EFCAB8: variants seen among roughly 807,000 people sequenced by gnomAD.
The protein encoded by EFCAB8 is EF-hand calcium-binding domain-containing protein 8.
A neutral mutation model predicts 116.3 loss-of-function variants in EFCAB8; 100 were observed. The ratio of observed to expected loss-of-function variants is 0.86; its 90% CI spans 0.73 to 1.02. The LOEUF (loss-of-function observed/expected upper bound fraction) is 1.02, where lower values mean the gene tolerates loss of function less well. Ranked by LOEUF, EFCAB8 falls within the 50% of genes least tolerant of loss-of-function variation. The pLI, the probability that EFCAB8 is intolerant of heterozygous loss-of-function variation, is 0.00. For synonymous variants in EFCAB8, 558 were observed against 567.9 expected (o/e 0.98, Z 0.25); for missense variants, 1,320 against 1,416.9 (o/e 0.93, Z 1.10).
intron 3 of EFCAB8, among the ~76,000 whole-genome samples, chr20:32,872,167 G>T (rs538969183): frequency 2.6e-5 from 4 of 152,180 alleles, no homozygotes; most frequent in African/African-American, 9.7e-5. Flanking sequence ...GTTGTATAAG[G>T]AGAATAGAAT....
In EFCAB8 at chr20:32,906,990, A is replaced by G; in HGVS notation, c.1304A>G (p.Asp435Gly). The change falls in exon 13 of 27, where the codon GAC (aspartate) becomes GGC (glycine). Residue 435 changes from aspartate (D) to glycine (G), a missense_variant. Coordinates refer to ENST00000400522, the MANE Select transcript of EFCAB8 (RefSeq NM_001143967.2). ...AGCATCCTCATCAGTGTCTCCAAGG[A>G]CAAGGTCCGCCCCGACGGTCCGCCT... Reference protein sequence around the residue: ...NNSILISVSKDKNIRVWDMLD... With the variant: ...NNSILISVSKGKNIRVWDMLD... 2 of 1,514,588 alleles carry G rather than the reference A, an allele frequency of 1.3e-6. No homozygotes were observed. The highest frequency in any genetic ancestry group is 1.7e-4 in the Middle Eastern group (1 of 5,786). 93.8% of individuals were successfully genotyped at this position (1,514,588 alleles called of 1,614,324 possible).
intron 10 of EFCAB8, among the ~76,000 whole-genome samples, chr20:32,897,628 G>T (rs944784556): frequency 6.6e-6 from 1 of 151,730 alleles, no homozygotes; most frequent in African/African-American, 2.4e-5. Flanking sequence ...TTTGAGACGG[G>T]GCCTCACTAT....
intron 23 of EFCAB8, among the ~76,000 whole-genome samples, chr20:32,945,757 A>G (rs1029616950): frequency 3.9e-5 from 6 of 152,166 alleles, no homozygotes; most frequent in African/African-American, 9.7e-5. Flanking sequence ...TTCTGCACCA[A>G]TCAGCTTGGC....
At chr20:32,873,300 C>T (rs1984779817) in intron 3 of EFCAB8, among the ~76,000 whole-genome samples, 1 of 151,728 alleles carries the variant, frequency 6.6e-6, no homozygotes, top group African/African-American at 2.4e-5. Context: ...AGGATGGTCT[C>T]CATCTCTTGA....
At chr20:32,904,538 A>G (rs1292225148) in intron 11 of EFCAB8, among the ~76,000 whole-genome samples, 6 of 148,988 alleles carry the variant, frequency 4.0e-5, no homozygotes, top group African/African-American at 1.5e-4. Context: ...GCCTCAAGGG[A>G]TCCTCCTGCC....
intron 4 of EFCAB8, among the ~76,000 whole-genome samples, chr20:32,876,579 GATA>G (rs1696805159): frequency 6.6e-6 from 1 of 152,242 alleles, no homozygotes. Flanking sequence ...AGATGACAAT[GATA>G]ACTAGCATTT....
Position 32,885,481 on chromosome 20 carries a change from TCTCTC to T in EFCAB8, c.432-23_432-19del, listed in dbSNP as rs1426169590. 4 of 1,551,242 alleles carry T rather than the reference TCTCTC, an allele frequency of 2.6e-6. No homozygotes were observed. The highest frequency in any genetic ancestry group is 3.5e-6 in the Non-Finnish European group (4 of 1,146,774). On this transcript the variant is annotated intron_variant, in intron 5 of 26. Transcript: ENST00000400522. ...CCTGAGCTGTTTTTGCTTGGGCTCT[TCTCTC>T]TTTCATCGCCTCCCACAGGAACCAT...
chr20:32,901,147 C>T (rs556083287), intron 11 of EFCAB8, among the ~76,000 whole-genome samples: 3 of 152,276 alleles, frequency 2.0e-5, no homozygotes, highest in South Asian at 2.1e-4. Flanking sequence ...TGAATGGGGC[C>T]GTGTGGCAGA....
chr20:32,898,323 G>C (rs1223533426), intron 10 of EFCAB8, 170 bp from the exon 11 acceptor site: 1 of 562,174 alleles, frequency 1.8e-6, no homozygotes, highest in Non-Finnish European at 3.2e-6. Context: ...CTGGTCATAG[G>C]ACCTGGGCTA....
chr20:32,877,213 T>TC (rs1568903029), intron 4 of EFCAB8, among the ~76,000 whole-genome samples: 2 of 141,954 alleles, frequency 1.4e-5, no homozygotes, highest in African/African-American at 5.0e-5. Context: ...CTTTCTTTTT[T>TC]TTTTTTTTTT....
chr20:32,911,089 T>C (rs1379262288), intron 15 of EFCAB8, among the ~76,000 whole-genome samples: 3 of 152,334 alleles, frequency 2.0e-5, no homozygotes, highest in South Asian at 4.1e-4. Flanking sequence ...AAATGTTTCA[T>C]TGAGTGGCAT....
At chr20:32,952,874 G>T (rs1449109944) in intron 23 of EFCAB8, among the ~76,000 whole-genome samples, 2 of 152,156 alleles carry the variant, frequency 1.3e-5, no homozygotes, top group African/African-American at 2.4e-5. Context: ...TAAGTCTACA[G>T]TTCAGTAGTG....
At chr20:32,885,462 C>G in intron 5 of EFCAB8, 43 bp from the exon 6 acceptor site, 3 of 1,548,888 alleles carry the variant, frequency 1.9e-6, no homozygotes, top group Non-Finnish European at 2.6e-6. Flanking sequence ...CCTCCCTGAG[C>G]TGTTTTTGCT....
At chr20:32,892,049 C>G (rs1055410824) in intron 7 of EFCAB8, among the ~76,000 whole-genome samples, 164 bp from the exon 8 acceptor site, 1 of 151,900 alleles carries the variant, frequency 6.6e-6, no homozygotes. Context: ...GTGGGGTTCC[C>G]GGTGGGTGGG....
At chr20:32,921,881 CGTGCA>C (rs1452709517) in intron 20 of EFCAB8, among the ~76,000 whole-genome samples, 5 of 143,684 alleles carry the variant, frequency 3.5e-5, no homozygotes, top group African/African-American at 1.3e-4. Flanking sequence ...CCCAGGCTGG[CGTGCA>C]GTGTTGCGAT....
chr20:32,940,164 A>G (rs1365962001), intron 22 of EFCAB8, among the ~76,000 whole-genome samples: 1 of 148,466 alleles, frequency 6.7e-6, no homozygotes, highest in Non-Finnish European at 1.5e-5. Context: ...ACAATTCCCA[A>G]GTTCAAAACT....
At chr20:32,885,956 A>G (rs919301181) in intron 6 of EFCAB8, among the ~76,000 whole-genome samples, 2 of 152,088 alleles carry the variant, frequency 1.3e-5, no homozygotes, top group East Asian at 3.9e-4. Flanking sequence ...ATCTCAGTGA[A>G]TGGCATTGTC....
intron 17 of EFCAB8, among the ~76,000 whole-genome samples, chr20:32,914,705 C>A (rs1047649240): frequency 6.6e-6 from 1 of 152,082 alleles, no homozygotes; most frequent in Non-Finnish European, 1.5e-5. Flanking sequence ...CTCACTATCA[C>A]GAGAACAGCA....
chr20:32,893,372 C>T, intron 9 of EFCAB8, 74 bp downstream of exon 9: 1 of 1,528,632 alleles, frequency 6.5e-7, no homozygotes, highest in Non-Finnish European at 8.8e-7. Context: ...CATCCTGGTC[C>T]CCGAGCCCCC....
Sources: allele counts gnomAD v4.1 joint callset (sites outside exome capture counted in the v4.1 genomes callset), GRCh38; gene constraint gnomAD v4.1.1; transcripts MANE v1.5; gene names NCBI Gene and HGNC (gene_info 2026-07-23, HGNC 2026-07-21).